Variants in CFAP47 observed in about 807,000 individuals in gnomAD.
The protein encoded by CFAP47 is cilia- and flagella-associated protein 47.
In CFAP47, 29 loss-of-function variants were observed where a neutral mutation model predicts 148.1. The observed-to-expected ratio is 0.20, with a 90% CI of 0.15 to 0.27. CFAP47 has a LOEUF of 0.27. CFAP47 is among the 10% of genes least tolerant of loss of function. The pLI is 1.00. For missense variants in CFAP47, 1,872 were observed against 1,697.5 expected (o/e 1.10, Z -1.81); for synonymous variants, 664 against 577.3 (o/e 1.15, Z -2.15).
chrX:36,158,598 T>C (rs1479199425), intron 37 of CFAP47, among the ~76,000 whole-genome samples: 1 of 111,642 alleles, frequency 9.0e-6, no homozygotes, highest in Non-Finnish European at 1.9e-5. Flanking sequence ...CTAAAAGGAG[T>C]AAGGAAGCAA....
At chrX:36,202,413 A>G (rs1375487331) in intron 44 of CFAP47, among the ~76,000 whole-genome samples, 1 of 110,360 alleles carries the variant, frequency 9.1e-6, no homozygotes, top group African/African-American at 3.3e-5. Flanking sequence ...TCCTTCCCTC[A>G]TCTCACCTTT....
chrX:36,166,267 T>C (rs765610449), intron 39 of CFAP47, among the ~76,000 whole-genome samples: 3 of 110,857 alleles, frequency 2.7e-5, no homozygotes, highest in Non-Finnish European at 5.7e-5. Context: ...CTACCATACA[T>C]ACGTCAGATT....
intron 45 of CFAP47, among the ~76,000 whole-genome samples, chrX:36,215,541 T>C (rs1319916542): frequency 1.8e-5 from 2 of 110,299 alleles, no homozygotes; most frequent in African/African-American, 6.6e-5. Context: ...GACAAGTGGC[T>C]GAGGTTGATG....
rs1360776071 is a variant in CFAP47 at position 36,073,245 on chromosome X, G to A, written c.4572G>A (p.Glu1524=). 8.3e-7 allele frequency: 1 copy of A among 1,209,108 alleles called. No individual in the cohort carries two copies. The highest frequency in any genetic ancestry group is 2.2e-5 in the Admixed American group (1 of 45,935). ...KEKYEQFLSL[E]EGTKAHYFFE... ...AATATGAACAATTCCTTTCTCTTGA[G>A]GAAGGAACAAAGGCACACTACTTTT... Residue 1524 remains glutamate, a synonymous_variant, in exon 29 of 64, where the codon GAG becomes GAA. Coordinates refer to ENST00000378653, the MANE Select transcript of CFAP47 (RefSeq NM_001304548.2).
chrX:35,938,805 T>C (rs1935955952), intron 2 of CFAP47, among the ~76,000 whole-genome samples: 1 of 111,947 alleles, frequency 8.9e-6, no homozygotes, highest in African/African-American at 3.2e-5. Context: ...TAACAATGTG[T>C]CAGCTACGTC....
chrX:36,199,158 T>C (rs1304555029), intron 42 of CFAP47, among the ~76,000 whole-genome samples: 2 of 111,944 alleles, frequency 1.8e-5, no homozygotes, highest in Non-Finnish European at 3.8e-5. Flanking sequence ...TGAATCAGGA[T>C]CTAAATAAGG....
chrX:36,281,186 G>A (rs981758960), intron 50 of CFAP47, among the ~76,000 whole-genome samples: 2 of 112,115 alleles, frequency 1.8e-5, no homozygotes, highest in Non-Finnish European at 3.8e-5. Context: ...TGGGTGAGTA[G>A]CAGGGATGCA....
At chrX:36,229,425 G>T (rs1555992007) in intron 46 of CFAP47, among the ~76,000 whole-genome samples, 2 of 111,026 alleles carry the variant, frequency 1.8e-5, no homozygotes, top group African/African-American at 6.5e-5. Flanking sequence ...TGAATTAGAA[G>T]TAAAGTGTGT....
At chrX:36,142,988 G>C (rs890831304) in intron 35 of CFAP47, among the ~76,000 whole-genome samples, 2 of 111,001 alleles carry the variant, frequency 1.8e-5, no homozygotes, top group Non-Finnish European at 3.8e-5. Context: ...ACCTTCTTAG[G>C]CTTCAAAAGT....
At chrX:35,928,275 A>G (rs945955971) in intron 2 of CFAP47, among the ~76,000 whole-genome samples, 1 of 111,056 alleles carries the variant, frequency 9.0e-6, no homozygotes, top group African/African-American at 3.3e-5. Flanking sequence ...AGAGTGATAC[A>G]TGAGTAATCC....
At chrX:36,174,202 G>A (rs1243125828) in intron 39 of CFAP47, among the ~76,000 whole-genome samples, 1 of 108,969 alleles carries the variant, frequency 9.2e-6, no homozygotes, top group Non-Finnish European at 1.9e-5. Context: ...GTCTCTGCAT[G>A]TGAGATGGGT....
intron 39 of CFAP47, among the ~76,000 whole-genome samples, chrX:36,173,781 T>C (rs1300169778): frequency 1.8e-5 from 2 of 111,869 alleles, no homozygotes; most frequent in Admixed American, 9.5e-5. Flanking sequence ...ATTCTGTTGA[T>C]TTAGGGTGGA....
Position 36,000,348 on chromosome X carries a change from C to A in CFAP47, c.3243C>A (p.Asn1081Lys). 1 of 295,955 alleles carries A rather than the reference C, an allele frequency of 3.4e-6. No homozygotes were observed. The highest frequency in any genetic ancestry group is 5.9e-6 in the Non-Finnish European group (1 of 169,296). 24.4% of individuals were successfully genotyped at this position (295,955 alleles called of 1,213,427 possible). A position where few individuals can be genotyped will look rare whatever the true frequency, so the allele number is the denominator to read the frequency against. ...AGATTATTCCATTTGTAATAAAAAA[C>A]AAAGGTATAACACGTGCCAGAGTGG... ...GTQIIPFVIK[N>K]KGITRARVEF... Residue 1081 changes from asparagine (N) to lysine (K), a missense_variant, in exon 20 of 64, where the codon AAC (asparagine) becomes AAA (lysine). By Grantham distance (94) the Asn-to-Lys change is moderately conservative. Transcript: ENST00000378653.
At position 35,924,281 on chromosome X, in the gene CFAP47, A is replaced by G. The variant is rs755947737; in HGVS notation, c.250-1736A>G. Among the ~76,000 whole-genome samples the G allele has an allele frequency of 8.1e-4, 85 of 105,203 alleles. 4 individuals are homozygous for G. The highest frequency in any genetic ancestry group is 2.7e-3 in the African/African-American group (74 of 27,115). 91.4% of individuals were successfully genotyped at this position (105,203 alleles called of 115,157 possible). A position where few individuals can be genotyped will look rare whatever the true frequency, so the allele number is the denominator to read the frequency against. ...CATGTATGTGTACATGTATGTGTAT[A>G]TGTACATGTATGTGTACACATATGT... On this transcript the variant is annotated intron_variant, in intron 1 of 63. Transcript: ENST00000378653.
intron 1 of CFAP47, among the ~76,000 whole-genome samples, chrX:35,923,797 C>T (rs1316118334): frequency 3.9e-5 from 4 of 101,477 alleles, no homozygotes; most frequent in Admixed American, 2.2e-4. Flanking sequence ...TCCAGCCTGG[C>T]GACAGAACGA....
chrX:36,320,720 A>G, intron 57 of CFAP47, among the ~76,000 whole-genome samples: 1 of 112,474 alleles, frequency 8.9e-6, no homozygotes, highest in Non-Finnish European at 1.9e-5. Flanking sequence ...AAAAATGACC[A>G]TCTAGATTTT....
At chrX:36,099,689 A>G in intron 31 of CFAP47, 62 bp from the exon 32 acceptor site, 1 of 521,213 alleles carries the variant, frequency 1.9e-6, no homozygotes, top group Non-Finnish European at 3.2e-6. Flanking sequence ...TTGAAAAAAA[A>G]AACTCATATG....
At chrX:35,975,937 T>C (rs967894966) in intron 15 of CFAP47, 24 bp downstream of exon 15, 1 of 1,193,443 alleles carries the variant, frequency 8.4e-7, no homozygotes. Context: ...GTTTGTTTGA[T>C]TTAGACATTT....
chrX:36,170,403 C>T (rs1365610081), intron 39 of CFAP47, among the ~76,000 whole-genome samples: 14 of 110,972 alleles, frequency 1.3e-4, no homozygotes, highest in Non-Finnish European at 2.5e-4. Flanking sequence ...CCCACTACCT[C>T]GTCATCTAGC....
Sources: allele counts gnomAD v4.1 joint callset (sites outside exome capture counted in the v4.1 genomes callset), GRCh38; gene constraint gnomAD v4.1.1; transcripts MANE v1.5; gene names NCBI Gene and HGNC (gene_info 2026-07-23, HGNC 2026-07-21).